Variants in ACKR2 observed in about 807,000 individuals in gnomAD.
ACKR2 encodes C-C chemokine receptor D6.
For missense variants in ACKR2, 457 were observed against 477.3 expected (o/e 0.96, Z 0.40); for synonymous variants, 207 against 192.2 (o/e 1.08, Z -0.64).
At chr3:42,858,558 A>G (rs1023864318) in intron 2 of ACKR2, among the ~76,000 whole-genome samples, 1 of 152,202 alleles carries the variant, frequency 6.6e-6, no homozygotes, top group Non-Finnish European at 1.5e-5. Context: ...AAATCCATGA[A>G]GATGAGGAAA....
chr3:42,856,016 G>A (rs186673809), intron 2 of ACKR2: 54 of 227,078 alleles, frequency 2.4e-4, no homozygotes, highest in East Asian at 6.3e-4. Context: ...GATAAGACCC[G>A]AGTATACTCC....
At chr3:42,817,864 C>T (rs1019135936) in intron 1 of ACKR2, among the ~76,000 whole-genome samples, 8 of 152,122 alleles carry the variant, frequency 5.3e-5, no homozygotes, top group Non-Finnish European at 1.2e-4. Context: ...ATGAATCTTC[C>T]ATTGACACTC....
intron 2 of ACKR2, among the ~76,000 whole-genome samples, chr3:42,821,271 G>A (rs1000700838): frequency 3.5e-4 from 54 of 152,248 alleles, no homozygotes; most frequent in Middle Eastern, 3.4e-3. Context: ...TGATCCACAG[G>A]CTATAGTGAG....
chr3:42,828,682 T>A (rs547978287), intron 2 of ACKR2, among the ~76,000 whole-genome samples: 4 of 152,274 alleles, frequency 2.6e-5, no homozygotes, highest in African/African-American at 9.6e-5. Flanking sequence ...GTTAGACACT[T>A]TATTCTGTCT....
chr3:42,836,232 A>G (rs1369765499), intron 2 of ACKR2, among the ~76,000 whole-genome samples: 1 of 152,206 alleles, frequency 6.6e-6, no homozygotes, highest in Non-Finnish European at 1.5e-5. Context: ...GCAAAACTGT[A>G]GCACCAGCAA....
In ACKR2 at chr3:42,860,852, C is replaced by T. The variant is rs529062825; in HGVS notation, c.-37-3614C>T. ...ACAATGTACTAGAATCTCTGGAACA[C>T]AGCTAAAGCAGTGTTTACAGGGAAA... On this transcript the variant is annotated intron_variant, in intron 2 of 2. Coordinates refer to ENST00000422265, the MANE Select transcript of ACKR2 (RefSeq NM_001296.5). 6.6e-5 allele frequency among the ~76,000 whole-genome samples: 10 copies of T among 152,290 alleles called. No individual in the cohort carries two copies. The South Asian group carries it at 1.7e-3, about 25-fold the overall frequency.
At position 42,818,196 on chromosome 3, in the gene ACKR2, C is replaced by T. The variant is rs75839786; in HGVS notation, c.-118-1435C>T. Among the ~76,000 whole-genome samples, 116 of 152,330 alleles carry T rather than the reference C, an allele frequency of 7.6e-4. 3 individuals are homozygous for T. In the East Asian group the frequency reaches 0.02, roughly 27 times the overall value. ...ATGAGCCGTGTTAACCATCTCTCTC[C>T]TCCCCTCTTCTCTGCTCTCTACATC... On this transcript the variant is annotated intron_variant, in intron 1 of 2. Transcript: ENST00000422265.
chr3:42,812,505 G>A (rs572834922), intron 1 of ACKR2, among the ~76,000 whole-genome samples: 2 of 152,132 alleles, frequency 1.3e-5, no homozygotes, highest in South Asian at 2.1e-4. Flanking sequence ...GAATGTAAGT[G>A]GATGTTTTAG....
Position 42,816,152 on chromosome 3 carries a change from T to C in ACKR2, c.-118-3479T>C, listed in dbSNP as rs575159002. Reference sequence around the variant, plus strand: ...GGGTTTTTTTGTGTGTTCCTGTAGATACTACTCAGCTAACCTATAAACACA... The same window carrying C: ...GGGTTTTTTTGTGTGTTCCTGTAGACACTACTCAGCTAACCTATAAACACA... On this transcript the variant is annotated intron_variant, in intron 1 of 2. Transcript: ENST00000422265. 2.5e-4 allele frequency among the ~76,000 whole-genome samples: 38 copies of C among 152,116 alleles called. No homozygotes were observed. In the South Asian group the frequency reaches 7.5e-3, roughly 30 times the overall value.
chr3:42,842,196 G>A (rs1701045909), intron 2 of ACKR2, among the ~76,000 whole-genome samples: 1 of 152,238 alleles, frequency 6.6e-6, no homozygotes, highest in Non-Finnish European at 1.5e-5. Context: ...TCTTGTGAAA[G>A]GAACTGGGCA....
At chr3:42,843,811 T>TC (rs2125614900) in intron 2 of ACKR2, 1 of 152,380 alleles carries the variant, frequency 6.6e-6, no homozygotes, top group Non-Finnish European at 1.5e-5. Context: ...GAACCCATGT[T>TC]CCCTTTTCCA....
At chr3:42,831,627 C>T (rs939765041) in intron 2 of ACKR2, among the ~76,000 whole-genome samples, 7 of 152,188 alleles carry the variant, frequency 4.6e-5, no homozygotes, top group Non-Finnish European at 1.0e-4. Flanking sequence ...TAGCTGCAAT[C>T]GCACCCTCTC....
rs1236988177 is a variant in ACKR2, at chr3:42,821,314, A to G, written c.-38+1603A>G. On this transcript the variant is annotated intron_variant, in intron 2 of 2. Coordinates refer to ENST00000422265, the MANE Select transcript of ACKR2 (RefSeq NM_001296.5). ...TCCCTGGCATCCCTTTTCCTTACAT[A>G]CGTGTTCCACTAGAAGCAAGAAAAA... Among the ~76,000 whole-genome samples the G allele has an allele frequency of 2.0e-5, 3 of 152,144 alleles. No individual in the cohort carries two copies. In the East Asian group the frequency reaches 5.8e-4, roughly 29 times the overall value.
chr3:42,822,436 C>G (rs1279968649), intron 2 of ACKR2, among the ~76,000 whole-genome samples: 1 of 152,256 alleles, frequency 6.6e-6, no homozygotes, highest in Non-Finnish European at 1.5e-5. Context: ...TTGAAACACA[C>G]TCCCTTTTCC....
chr3:42,858,352 C>T (rs2088344313), intron 2 of ACKR2, among the ~76,000 whole-genome samples: 1 of 152,230 alleles, frequency 6.6e-6, no homozygotes, highest in Non-Finnish European at 1.5e-5. Context: ...TGCTGTTTTG[C>T]AGCCTCTGCT....
At chr3:42,861,935 C>A (rs2088389103) in intron 2 of ACKR2, among the ~76,000 whole-genome samples, 1 of 152,194 alleles carries the variant, frequency 6.6e-6, no homozygotes, top group African/African-American at 2.4e-5. Flanking sequence ...TGGAAGCATT[C>A]CCTTTGAAAA....
intron 2 of ACKR2, among the ~76,000 whole-genome samples, chr3:42,859,173 G>A (rs1057290818): frequency 6.6e-6 from 1 of 152,012 alleles, no homozygotes; most frequent in Non-Finnish European, 1.5e-5. Flanking sequence ...GAAATACAGA[G>A]AACACCACAA....
chr3:42,835,975 G>A (rs535504171), intron 2 of ACKR2: 1 of 152,160 alleles, frequency 6.6e-6, no homozygotes, highest in South Asian at 2.1e-4. Context: ...AGAGATGATT[G>A]GTGCATTAGA....
chr3:42,819,712 G>C lies in ACKR2; in HGVS notation c.-38+1G>C, dbSNP rs1700790438. On this transcript the variant is annotated splice_donor_variant, in intron 2 of 2. Transcript: ENST00000422265. LOFTEE classifies it low-confidence loss of function (5UTR_SPLICE). ...AAGGCTGCCTCTCTGCAAAGTTGAG[G>C]TAAGCAGCTGAGTTCAATGATGCTG... is the stretch of plus-strand genomic sequence containing the variant. 6.6e-6 allele frequency: 1 copy of C among 152,272 alleles called. No individual in the cohort carries two copies. The highest frequency in any genetic ancestry group is 1.5e-5 in the Non-Finnish European group (1 of 68,080). The allele number at this position is 152,272 out of a possible 1,614,324, so 9.4% of individuals were successfully genotyped here. A position where few individuals can be genotyped will look rare whatever the true frequency, so the allele number is the denominator to read the frequency against.
Sources: gnomAD v4.1 joint callset for allele counts (sites outside exome capture counted in the v4.1 genomes callset) on GRCh38, gnomAD v4.1.1 for gene constraint, MANE v1.5 for transcripts, NCBI Gene and HGNC (gene_info 2026-07-23, HGNC 2026-07-21) for gene names.